The following TBL1X variants were observed in gnomAD, a reference collection of about 807,000 sequenced individuals.
TBL1X encodes transducin beta like 1 X-linked, also known as F-box-like/WD repeat-containing protein TBL1X.
A neutral mutation model predicts 50.7 loss-of-function variants in TBL1X; 10 were observed. The ratio of observed to expected loss-of-function variants is 0.20; its 90% confidence interval spans 0.12 to 0.33. The LOEUF (loss-of-function observed/expected upper bound fraction) is 0.33, where lower values mean the gene tolerates loss of function less well. Among genes scored for constraint, TBL1X ranks in the 10% least tolerant of loss-of-function variants. The pLI is 1.00. For synonymous variants in TBL1X, 190 were observed against 214.7 expected (o/e 0.88, Z 1.01); for missense variants, 340 against 504.4 (o/e 0.67, Z 3.12).
intron 2 of TBL1X, among the ~76,000 whole-genome samples, chrX:9,608,394 G>A (rs749979136): frequency 8.9e-6 from 1 of 111,759 alleles, no homozygotes; most frequent in East Asian, 2.8e-4. Context: ...GTTTATTTCG[G>A]TTTTATGTTA....
At chrX:9,703,731 C>T (rs998679859) in intron 12 of TBL1X, among the ~76,000 whole-genome samples, 3 of 112,108 alleles carry the variant, frequency 2.7e-5, no homozygotes, top group Non-Finnish European at 5.6e-5. Flanking sequence ...TGAGATGCCT[C>T]GGCTCTCTCC....
chrX:9,466,031 C>T (rs2081771310), intron 1 of TBL1X, among the ~76,000 whole-genome samples: 1 of 113,100 alleles, frequency 8.8e-6, no homozygotes, highest in East Asian at 2.8e-4. Context: ...CAGAAACTGT[C>T]AAGGAAGTCG....
In TBL1X at chrX:9,665,238, A is replaced by G. The variant is rs182006364; in HGVS notation, c.211+10916A>G. Among the ~76,000 whole-genome samples the G allele has an allele frequency of 3.6e-4, 39 of 107,503 alleles. No homozygotes were observed. In the East Asian group the frequency reaches 0.011, roughly 32 times the overall value. The allele number at this position is 107,503 out of a possible 115,157, so 93.4% of individuals were successfully genotyped here. A position where few individuals can be genotyped will look rare whatever the true frequency, so the allele number is the denominator to read the frequency against. ...AAGTCTGCCAAAAGCATTCTCTGGC[A>G]GATAATAAAATAATTGAGAGTAGCA... On this transcript the variant is annotated intron_variant, in intron 5 of 17. Transcript: ENST00000645353.
At chrX:9,475,553 G>GTT (rs368700017) in intron 1 of TBL1X, among the ~76,000 whole-genome samples, 8 of 101,633 alleles carry the variant, frequency 7.9e-5, no homozygotes, top group African/African-American at 1.4e-4. Context: ...GCCTCATTAG[G>GTT]TTTTTTTTTT....
chrX:9,700,093 C>G (rs966563354), intron 12 of TBL1X, among the ~76,000 whole-genome samples: 6 of 112,258 alleles, frequency 5.3e-5, no homozygotes, highest in Non-Finnish European at 9.4e-5. Flanking sequence ...CAGACACTTG[C>G]TACTCTGTGC....
At chrX:9,657,497 T>G (rs1268552838) in intron 5 of TBL1X, among the ~76,000 whole-genome samples, 1 of 112,559 alleles carries the variant, frequency 8.9e-6, no homozygotes, top group Non-Finnish European at 1.9e-5. Flanking sequence ...ACTGATGGCC[T>G]CAGACAGCCG....
chrX:9,632,379 C>A (rs1169666390), intron 2 of TBL1X, among the ~76,000 whole-genome samples: 1 of 111,695 alleles, frequency 9.0e-6, no homozygotes, highest in Non-Finnish European at 1.9e-5. Context: ...CTCCCGAGTT[C>A]AAGCGATTCT....
At chrX:9,702,472 G>A (rs909697116) in intron 12 of TBL1X, among the ~76,000 whole-genome samples, 3 of 106,005 alleles carry the variant, frequency 2.8e-5, no homozygotes, top group African/African-American at 1.0e-4. Flanking sequence ...TGGGCATGGT[G>A]GCACACATGT....
Position 9,697,447 on chromosome X carries a change from G to T in TBL1X, c.1114+18G>T, listed in dbSNP as rs147960728. Reference sequence around the variant, plus strand: ...TCATTCAGGTGAGTTTTTTGTTGTTGTTGTTGTTGTTTGTTTTTTTGTAAT... The same window carrying T: ...TCATTCAGGTGAGTTTTTTGTTGTTTTTGTTGTTGTTTGTTTTTTTGTAAT... On this transcript the variant is annotated intron_variant, in intron 12 of 17. Coordinates refer to ENST00000645353, the MANE Select transcript of TBL1X (RefSeq NM_005647.4). 2.9e-5 allele frequency: 35 copies of T among 1,206,485 alleles called. No homozygotes were observed. In the Admixed American group the frequency reaches 7.1e-4, roughly 24 times the overall value.
intron 2 of TBL1X, among the ~76,000 whole-genome samples, chrX:9,510,051 C>T (rs1319385487): frequency 2.7e-5 from 3 of 111,314 alleles, no homozygotes; most frequent in South Asian, 3.8e-4. Flanking sequence ...GCTTTAATTG[C>T]GGTATAATCA....
intron 1 of TBL1X, among the ~76,000 whole-genome samples, chrX:9,465,780 C>T (rs886803461): frequency 8.8e-5 from 10 of 113,075 alleles, no homozygotes; most frequent in South Asian, 7.2e-4. Flanking sequence ...CTCGGCTTTT[C>T]CTCCGGTGCC....
At chrX:9,621,780 G>A (rs1020234251) in intron 2 of TBL1X, among the ~76,000 whole-genome samples, 4 of 111,715 alleles carry the variant, frequency 3.6e-5, no homozygotes, top group South Asian at 3.7e-4. Flanking sequence ...TTAATGAACC[G>A]AAGTGTGCCC....
intron 2 of TBL1X, among the ~76,000 whole-genome samples, chrX:9,614,452 C>G (rs1427581825): frequency 9.0e-6 from 1 of 111,422 alleles, no homozygotes; most frequent in Non-Finnish European, 1.9e-5. Flanking sequence ...GTCCTGGCTA[C>G]TCATGATGCT....
At chrX:9,584,262 T>C (rs2082457054) in intron 2 of TBL1X, among the ~76,000 whole-genome samples, 1 of 112,244 alleles carries the variant, frequency 8.9e-6, no homozygotes, top group African/African-American at 3.2e-5. Context: ...TCACATGATA[T>C]TCACCAAAGG....
intron 2 of TBL1X, among the ~76,000 whole-genome samples, chrX:9,539,246 G>A (rs776300582): frequency 8.9e-6 from 1 of 111,816 alleles, no homozygotes; most frequent in African/African-American, 3.2e-5. Context: ...AATAGAAATT[G>A]TGTTGGTCTG....
chrX:9,602,510 G>C (rs2012652), intron 2 of TBL1X, among the ~76,000 whole-genome samples: 30,557 of 110,647 alleles, frequency 0.28, 3,319 homozygotes, highest in East Asian at 0.66. Flanking sequence ...AAGCTTTGTC[G>C]TGGGAGGTTG....
chrX:9,629,956 C>T (rs73188215), intron 2 of TBL1X, among the ~76,000 whole-genome samples: 4,388 of 110,987 alleles, frequency 0.04, 72 homozygotes, highest in Non-Finnish European at 0.055. Context: ...CTACTACCCC[C>T]GTCCAAGCAC....
At chrX:9,568,432 T>G (rs1363289516) in intron 2 of TBL1X, among the ~76,000 whole-genome samples, 2 of 110,097 alleles carry the variant, frequency 1.8e-5, no homozygotes, top group Admixed American at 9.7e-5. Context: ...CTGTGTATTT[T>G]GTGTGTCTGT....
chrX:9,535,842 T>A (rs1176838719), intron 2 of TBL1X, among the ~76,000 whole-genome samples: 1 of 112,216 alleles, frequency 8.9e-6, no homozygotes, highest in East Asian at 2.8e-4. Context: ...AGAGTGACAT[T>A]TAACAAATCC....
Sources: allele counts gnomAD v4.1 joint callset (sites outside exome capture counted in the v4.1 genomes callset), GRCh38; gene constraint gnomAD v4.1.1; transcripts MANE v1.5; gene names NCBI Gene and HGNC (gene_info 2026-07-23, HGNC 2026-07-21).